NKAIN2: variants seen among roughly 807,000 people sequenced by gnomAD.
NKAIN2 encodes the protein sodium/potassium transporting ATPase interacting 2, also known as sodium/potassium-transporting ATPase subunit beta-1-interacting protein 2.
In NKAIN2, 14 loss-of-function variants were observed where a neutral mutation model predicts 32.6. The ratio of observed to expected loss-of-function variants is 0.43; its 90% CI spans 0.28 to 0.67. The LOEUF is 0.67. Among genes scored for constraint, NKAIN2 ranks in the 30% least tolerant of loss-of-function variants. The pLI, the probability that NKAIN2 is intolerant of heterozygous loss-of-function variation, is 0.17. For missense variants in NKAIN2, 198 were observed against 258.3 expected, an observed-to-expected ratio of 0.77 and a Z score of 1.60; for synonymous variants, 80 against 87.2, an observed-to-expected ratio of 0.92 and a Z score of 0.46.
intron 3 of NKAIN2, among the ~76,000 whole-genome samples, chr6:124,448,248 C>T (rs773479490): frequency 3.3e-5 from 5 of 152,072 alleles, no homozygotes; most frequent in Non-Finnish European, 5.9e-5. Flanking sequence ...AATCTCTGCT[C>T]ATTATCTTCT....
intron 5 of NKAIN2, among the ~76,000 whole-genome samples, chr6:124,798,829 C>T (rs1438705192): frequency 6.6e-6 from 1 of 152,180 alleles, no homozygotes; most frequent in Non-Finnish European, 1.5e-5. Context: ...ACAGTACACA[C>T]TGATTCACTC....
chr6:124,410,636 T>C (rs4278038), intron 3 of NKAIN2, among the ~76,000 whole-genome samples: 60,794 of 152,054 alleles, frequency 0.4, 13,955 homozygotes, highest in South Asian at 0.6. Flanking sequence ...AATTTTGGAA[T>C]ACATGTGGTG....
At chr6:123,890,915 A>C (rs1773978527) in intron 1 of NKAIN2, among the ~76,000 whole-genome samples, 1 of 152,148 alleles carries the variant, frequency 6.6e-6, no homozygotes, top group South Asian at 2.1e-4. Flanking sequence ...GCTACTCACA[A>C]TAGCTAAATT....
chr6:124,501,123 G>C (rs531953959), intron 3 of NKAIN2, among the ~76,000 whole-genome samples: 2 of 152,262 alleles, frequency 1.3e-5, no homozygotes, highest in African/African-American at 4.8e-5. Flanking sequence ...TTGAATGTAG[G>C]AGTCATGGGA....
intron 1 of NKAIN2, among the ~76,000 whole-genome samples, chr6:124,213,632 TA>T (rs1281662472): frequency 2.0e-5 from 3 of 152,114 alleles, no homozygotes; most frequent in Admixed American, 1.3e-4. Context: ...ACTCACTCTC[TA>T]AAAAATGTAT....
At chr6:124,018,187 C>T (rs905641961) in intron 1 of NKAIN2, among the ~76,000 whole-genome samples, 3 of 152,176 alleles carry the variant, frequency 2.0e-5, no homozygotes, top group Non-Finnish European at 4.4e-5. Context: ...ACCTTGGCCC[C>T]ATTTAGCCAT....
chr6:124,726,256 G>A (rs1776298705), intron 4 of NKAIN2, among the ~76,000 whole-genome samples: 1 of 100,252 alleles, frequency 1.0e-5, no homozygotes, highest in Non-Finnish European at 2.0e-5. Context: ...CTGGGGGCAG[G>A]GCACAGACAA....
intron 1 of NKAIN2, among the ~76,000 whole-genome samples, chr6:124,255,769 C>T (rs1163158800): frequency 6.6e-6 from 1 of 152,176 alleles, no homozygotes; most frequent in Non-Finnish European, 1.5e-5. Context: ...GAAACCATCA[C>T]CCCAGTCATA....
intron 5 of NKAIN2, among the ~76,000 whole-genome samples, chr6:124,815,232 A>ATATATGTATACATG (rs1554268840): frequency 2.8e-4 from 40 of 142,246 alleles, no homozygotes; most frequent in African/African-American, 9.2e-4. Context: ...ATACATATAT[A>ATATATGTATACATG]TATATATATG....
intron 3 of NKAIN2, among the ~76,000 whole-genome samples, chr6:124,465,770 A>AGAG (rs1273658248): frequency 1.3e-5 from 2 of 152,142 alleles, no homozygotes; most frequent in Non-Finnish European, 2.9e-5. Flanking sequence ...CATGGCATTA[A>AGAG]GAGAGCATTT....
chr6:123,907,726 C>T (rs1246962876), intron 1 of NKAIN2, among the ~76,000 whole-genome samples: 1 of 152,178 alleles, frequency 6.6e-6, no homozygotes, highest in African/African-American at 2.4e-5. Context: ...TCCATCCCCT[C>T]ATTCCCTCAT....
chr6:124,583,196 G>C (rs554129421), intron 3 of NKAIN2, among the ~76,000 whole-genome samples: 2 of 142,848 alleles, frequency 1.4e-5, no homozygotes, highest in African/African-American at 5.2e-5. Flanking sequence ...CATATGGTAT[G>C]ATCTTATAAT....
intron 1 of NKAIN2, among the ~76,000 whole-genome samples, chr6:124,246,577 C>T (rs1793411507): frequency 6.6e-6 from 1 of 152,028 alleles, no homozygotes; most frequent in Admixed American, 6.6e-5. Context: ...TGAAACAAAT[C>T]CGTGTGGCCT....
At chr6:123,929,856 A>C (rs1248013756) in intron 1 of NKAIN2, among the ~76,000 whole-genome samples, 1 of 152,152 alleles carries the variant, frequency 6.6e-6, no homozygotes, top group Non-Finnish European at 1.5e-5. Context: ...TTCGAAATCC[A>C]AAATGTTCCA....
chr6:124,297,131 A>G (rs1265201076), intron 2 of NKAIN2, among the ~76,000 whole-genome samples: 1 of 152,180 alleles, frequency 6.6e-6, no homozygotes, highest in Non-Finnish European at 1.5e-5. Flanking sequence ...ACTGTTATAC[A>G]TACTGTTGAT....
chr6:124,504,499 A>T (rs1273422173), intron 3 of NKAIN2, among the ~76,000 whole-genome samples: 1 of 152,194 alleles, frequency 6.6e-6, no homozygotes, highest in Non-Finnish European at 1.5e-5. Flanking sequence ...AATAGATAGT[A>T]GAAGAATAAC....
intron 1 of NKAIN2, among the ~76,000 whole-genome samples, chr6:124,224,139 T>G (rs2114707140): frequency 6.6e-6 from 1 of 152,276 alleles, no homozygotes; most frequent in South Asian, 2.1e-4. Context: ...GACTACATAT[T>G]CTGCATACAT....
intron 1 of NKAIN2, among the ~76,000 whole-genome samples, chr6:123,834,210 A>C (rs368907529): frequency 6.6e-6 from 1 of 152,034 alleles, no homozygotes; most frequent in African/African-American, 2.4e-5. Flanking sequence ...GCTGGCGTGC[A>C]ATGACGTGAT....
chr6:123,833,577 G>A (rs1440965612), intron 1 of NKAIN2, among the ~76,000 whole-genome samples: 1 of 151,952 alleles, frequency 6.6e-6, no homozygotes, highest in East Asian at 1.9e-4. Flanking sequence ...TTCAATGTAT[G>A]TACTTCTTTG....
Sources: gnomAD v4.1 joint callset for allele counts (sites outside exome capture counted in the v4.1 genomes callset) on GRCh38, gnomAD v4.1.1 for gene constraint, MANE v1.5 for transcripts, NCBI Gene and HGNC (gene_info 2026-07-23, HGNC 2026-07-21) for gene names.